Variants in DOCK5 observed in about 807,000 individuals in gnomAD.
DOCK5 encodes dedicator of cytokinesis protein 5.
A neutral mutation model predicts 251.8 loss-of-function variants in DOCK5; 142 were observed. That is an observed-to-expected ratio of 0.56 (90% CI 0.49 to 0.65). DOCK5 has a LOEUF of 0.65. Ranked by LOEUF, DOCK5 falls within the 30% of genes least tolerant of loss-of-function variation. The probability of loss-of-function intolerance (pLI) is 0.00; values close to 1 mark genes in which losing one functional copy is unlikely to be tolerated. For synonymous variants in DOCK5, 842 were observed against 835.5 expected (o/e 1.01, Z -0.13); for missense variants, 2,111 against 2,312.3 (o/e 0.91, Z 1.79).
chr8:25,192,358 A>G (rs1168295191), intron 1 of DOCK5, among the ~76,000 whole-genome samples: 1 of 152,138 alleles, frequency 6.6e-6, no homozygotes, highest in South Asian at 2.1e-4. Context: ...TGTCTTCCAC[A>G]ATGGTTGAAC....
At chr8:25,214,568 C>A (rs978633874) in intron 1 of DOCK5, among the ~76,000 whole-genome samples, 1 of 152,144 alleles carries the variant, frequency 6.6e-6, no homozygotes, top group Non-Finnish European at 1.5e-5. Context: ...TATAAGTATA[C>A]ACAGTGATTC....
intron 1 of DOCK5, among the ~76,000 whole-genome samples, chr8:25,205,397 C>T (rs921435363): frequency 2.0e-5 from 3 of 152,158 alleles, no homozygotes; most frequent in Non-Finnish European, 4.4e-5. Context: ...CTTGGACTTC[C>T]AGCCCCCAGA....
intron 22 of DOCK5, among the ~76,000 whole-genome samples, chr8:25,340,629 C>T (rs566206360): frequency 3.3e-5 from 5 of 152,260 alleles, no homozygotes; most frequent in African/African-American, 7.2e-5. Flanking sequence ...AGGCCAGCAT[C>T]GGCACGGGCA....
chr8:25,216,034 G>T (rs553119278), intron 1 of DOCK5, among the ~76,000 whole-genome samples: 1 of 150,258 alleles, frequency 6.7e-6, no homozygotes, highest in Non-Finnish European at 1.5e-5. Flanking sequence ...ATGTATATAC[G>T]TGTATACAAT....
Position 25,412,370 on chromosome 8 carries a change from A to T in DOCK5, c.*1072A>T, listed in dbSNP as rs1253654362. The stretch of plus-strand genomic sequence containing the variant: ...TAGGTGACCAAATATTACATACATA[A>T]ATAGCCACATGAAGTTTTAGACGTT... On this transcript the variant is annotated 3_prime_UTR_variant, in exon 52 of 52. Coordinates refer to ENST00000276440, the MANE Select transcript of DOCK5 (RefSeq NM_024940.8). The T allele has an allele frequency of 6.6e-6, 1 of 152,190 alleles. No individual in the cohort carries two copies. The highest frequency in any genetic ancestry group is 1.5e-5 in the Non-Finnish European group (1 of 68,040). The allele number at this position is 152,190 out of a possible 1,614,324, so 9.4% of individuals were successfully genotyped here.
chr8:25,373,904 T>C (rs1318835022), intron 36 of DOCK5, among the ~76,000 whole-genome samples: 1 of 152,172 alleles, frequency 6.6e-6, no homozygotes, highest in African/African-American at 2.4e-5. Flanking sequence ...ACTTCTGGCC[T>C]GGGTGGGCAG....
At chr8:25,295,585 T>G (rs1804598564) in intron 6 of DOCK5, among the ~76,000 whole-genome samples, 1 of 152,108 alleles carries the variant, frequency 6.6e-6, no homozygotes, top group Admixed American at 6.6e-5. Context: ...AAGCCAGGAC[T>G]TACTTCACTC....
chr8:25,361,614 G>A (rs1335107021), intron 28 of DOCK5, among the ~76,000 whole-genome samples: 7 of 151,968 alleles, frequency 4.6e-5, no homozygotes, highest in African/African-American at 7.3e-5. Flanking sequence ...ACTCCATCTC[G>A]AAATAAATAA....
chr8:25,315,083 C>T (rs1348574797), intron 13 of DOCK5, among the ~76,000 whole-genome samples: 2 of 71,008 alleles, frequency 2.8e-5, no homozygotes, highest in African/African-American at 7.9e-5. Flanking sequence ...CATCCCGCTC[C>T]TCCCTCGCTG....
chr8:25,288,682 CAA>C (rs879635891), intron 5 of DOCK5, among the ~76,000 whole-genome samples: 10 of 152,150 alleles, frequency 6.6e-5, no homozygotes, highest in Non-Finnish European at 1.3e-4. Flanking sequence ...AGAAAGAAAA[CAA>C]GAGTCTCTTT....
intron 1 of DOCK5, among the ~76,000 whole-genome samples, chr8:25,239,319 A>ATGTGTGTGTG (rs746237389): frequency 4.6e-5 from 6 of 131,062 alleles, no homozygotes; most frequent in East Asian, 2.1e-4. Context: ...GTGCGTGTAT[A>ATGTGTGTGTG]TGTGTGTGTG....
intron 40 of DOCK5, among the ~76,000 whole-genome samples, chr8:25,383,726 A>G (rs560597332): frequency 9.2e-5 from 14 of 152,106 alleles, no homozygotes; most frequent in Admixed American, 2.6e-4. Context: ...GTGGTGGTGC[A>G]TGCCTGTAAT....
At position 25,275,650 on chromosome 8, in the gene DOCK5, C is replaced by T. The variant is rs1804028778; in HGVS notation, c.224+209C>T. On this transcript the variant is annotated intron_variant, in intron 4 of 51. Coordinates refer to ENST00000276440, the MANE Select transcript of DOCK5 (RefSeq NM_024940.8). The stretch of plus-strand genomic sequence containing the variant: ...AGGAGTTCGAAACCAGCCTGGCCAA[C>T]ATGGTAAAACCCCCATCTCTACTAA... 2.0e-5 allele frequency among the ~76,000 whole-genome samples: 3 copies of T among 152,134 alleles called. No individual in the cohort carries two copies. In the South Asian group the frequency reaches 6.2e-4, roughly 31 times the overall value.
chr8:25,358,206 T>C (rs1430945568), intron 27 of DOCK5, among the ~76,000 whole-genome samples: 1 of 152,168 alleles, frequency 6.6e-6, no homozygotes, highest in Non-Finnish European at 1.5e-5. Flanking sequence ...CAGTTCAGCA[T>C]GGCTGGGGAG....
intron 5 of DOCK5, among the ~76,000 whole-genome samples, chr8:25,288,887 A>T (rs1804411076): frequency 6.6e-6 from 1 of 152,230 alleles, no homozygotes; most frequent in African/African-American, 2.4e-5. Flanking sequence ...GGGGATGAGG[A>T]AGAGGCAATT....
Position 25,370,352 on chromosome 8 carries a change from AT to A in DOCK5, c.3524+719del, listed in dbSNP as rs1375761176. On this transcript the variant is annotated intron_variant, in intron 34 of 51. Transcript: ENST00000276440. ...AGTGATTCTGCTTATCCAACACTTC[AT>A]TTTTTTTCCCTCTCCAAGAATAACA... is the stretch of plus-strand genomic sequence containing the variant. Among the ~76,000 whole-genome samples the A allele has an allele frequency of 3.3e-5, 5 of 152,032 alleles. No individual in the cohort carries two copies. In the South Asian group the frequency reaches 1.0e-3, roughly 32 times the overall value.
At chr8:25,403,794 C>A in intron 48 of DOCK5, 70 bp downstream of exon 48, 1 of 1,521,910 alleles carries the variant, frequency 6.6e-7, no homozygotes, top group Non-Finnish European at 9.0e-7. Flanking sequence ...TTTAGCCACG[C>A]ATCACTCCTT....
intron 27 of DOCK5, 60 bp from the exon 28 acceptor site, chr8:25,358,903 G>A (rs544570426): frequency 9.6e-6 from 14 of 1,460,178 alleles, no homozygotes; most frequent in Non-Finnish European, 1.3e-5. Context: ...GGCTCACATA[G>A]TGTTTTTGTC....
rs74894413 is a variant in DOCK5, at chr8:25,363,056, A to T, written c.2959A>T (p.Met987Leu). ...CCTCTGTTCTCCGCAGGACTTCCTC[A>T]TGGAAACTTTTATCATGTTCAAGGA... ...KTRQDIIDFL[M>L]ETFIMFKDLI... is the part of the protein sequence containing the mutation. The change falls in exon 29 of 52, where the codon ATG (methionine) becomes TTG (leucine). Residue 987 changes from methionine (M) to leucine (L), a missense_variant. Physicochemically the swap from Met to Leu is conservative, Grantham distance 15. Around this residue, in one of 3 missense-constraint regions of DOCK5, gnomAD observed 1,717 missense variants for 1,892.4 expected, o/e 0.91. Coordinates refer to ENST00000276440, the MANE Select transcript of DOCK5 (RefSeq NM_024940.8). The T allele has an allele frequency of 1.9e-3, 3,001 of 1,613,898 alleles. 92 individuals are homozygous for T. The East Asian group carries it at 0.054, about 29-fold the overall frequency.
Sources: gnomAD v4.1 joint callset for allele counts (sites outside exome capture counted in the v4.1 genomes callset) on GRCh38, gnomAD v4.1.1 for gene constraint, gnomAD v4.1.1 regional missense constraint, MANE v1.5 for transcripts, NCBI Gene and HGNC (gene_info 2026-07-23, HGNC 2026-07-21) for gene names.